The following IL1RAPL1 variants were observed in gnomAD, a reference collection of about 807,000 sequenced individuals.
IL1RAPL1 encodes the protein interleukin 1 receptor accessory protein like 1.
IL1RAPL1 carries 3 observed loss-of-function variants against 48.4 expected under a neutral mutation model. The ratio of observed to expected loss-of-function variants is 0.06; its 90% CI spans 0.03 to 0.16. The LOEUF (loss-of-function observed/expected upper bound fraction) is 0.16, where lower values mean the gene tolerates loss of function less well. Among genes scored for constraint, IL1RAPL1 ranks in the 10% least tolerant of loss-of-function variants. IL1RAPL1 has a pLI of 1.00. For missense variants in IL1RAPL1, 349 were observed against 530.6 expected, an observed-to-expected ratio of 0.66 and a Z score of 3.36; for synonymous variants, 185 against 187.7, an observed-to-expected ratio of 0.99 and a Z score of 0.12.
chrX:29,240,211 TATATATATATA>T lies in IL1RAPL1; in HGVS notation c.83-42726_83-42716del, dbSNP rs1217338432. Among the ~76,000 whole-genome samples the T allele has an allele frequency of 1.9e-4, 10 of 52,630 alleles. No homozygotes were observed. In the East Asian group the frequency reaches 4.6e-3, roughly 24 times the overall value. The allele number at this position is 52,630 out of a possible 115,157, so 45.7% of individuals were successfully genotyped here. The stretch of plus-strand genomic sequence containing the variant: ...ACACACACACATATATATATATATA[TATATATATATA>T]TATTTTTTTTTTTTTTTTTTTTTTT... On this transcript the variant is annotated intron_variant, in intron 2 of 10. Transcript: ENST00000378993.
chrX:29,877,412 T>C (rs1931929513), intron 6 of IL1RAPL1, among the ~76,000 whole-genome samples: 1 of 111,806 alleles, frequency 8.9e-6, no homozygotes, highest in Admixed American at 9.5e-5. Flanking sequence ...GATGACAAAT[T>C]ATGGCCAAAT....
intron 2 of IL1RAPL1, among the ~76,000 whole-genome samples, chrX:29,258,272 T>C (rs1437087259): frequency 6.3e-5 from 7 of 111,364 alleles, no homozygotes; most frequent in African/African-American, 2.3e-4. Flanking sequence ...AAATATAACA[T>C]ATCGAACAAT....
chrX:29,955,734 G>A lies in IL1RAPL1; in HGVS notation c.2005G>A (p.Glu669Lys), dbSNP rs769058210. The change falls in exon 11 of 11, where the codon GAG (glutamate) becomes AAG (lysine). Residue 669 changes from glutamate (E) to lysine (K), a missense_variant. This residue lies in a region of IL1RAPL1 where 65 missense variants were observed against 79.6 expected (regional missense o/e 0.82). Transcript: ENST00000378993. ...GQRPQTKSSR[E>K]QNPDEAHTNS... ...GCGGCCACAGACAAAATCGAGCAGG[G>A]AGCAGAATCCAGATGAGGCCCACAC... is the stretch of plus-strand genomic sequence containing the variant. The A allele has an allele frequency of 1.7e-6, 2 of 1,209,494 alleles. No individual in the cohort carries two copies. Among genetic ancestry groups the A allele is most frequent in the Non-Finnish European group, 2.2e-6 (2 of 895,133 alleles).
intron 2 of IL1RAPL1, among the ~76,000 whole-genome samples, chrX:29,090,352 C>A (rs1025132546): frequency 2.7e-5 from 3 of 111,827 alleles, no homozygotes; most frequent in Admixed American, 1.9e-4. Flanking sequence ...CAAATTGTAT[C>A]CTTTTGGAGA....
At chrX:28,636,290 G>A (rs150771448) in intron 1 of IL1RAPL1, among the ~76,000 whole-genome samples, 1,180 of 111,430 alleles carry the variant, frequency 0.011, 24 homozygotes, top group Admixed American at 0.077. Context: ...TTCATTGATT[G>A]CCTACTATAA....
At position 29,782,888 on chromosome X, in the gene IL1RAPL1, ATTTTTTTTTTTTTTTTT is replaced by A. The variant is rs780831874; in HGVS notation, c.778+114402_778+114418del. ...GAAGATAAAATGGGTTGATCGTGAC[ATTTTTTTTTTTTTTTTT>A]TTTTTTTTTTTTTTTTTGAGACGGA... On this transcript the variant is annotated intron_variant, in intron 6 of 10. Coordinates refer to ENST00000378993, the MANE Select transcript of IL1RAPL1 (RefSeq NM_014271.4). 1.9e-3 allele frequency among the ~76,000 whole-genome samples: 58 copies of A among 31,089 alleles called. No individual in the cohort carries two copies. The South Asian group carries it at 0.15, about 80-fold the overall frequency. The allele number at this position is 31,089 out of a possible 115,157, so 27.0% of individuals were successfully genotyped here.
In IL1RAPL1 at chrX:28,985,779, C is replaced by T. The variant is rs757648638; in HGVS notation, c.82+196354C>T. Among the ~76,000 whole-genome samples, 3 of 108,908 alleles carry T rather than the reference C, an allele frequency of 2.8e-5. No individual in the cohort carries two copies. The Admixed American group carries it at 2.9e-4, about 11-fold the overall frequency. The allele number at this position is 108,908 out of a possible 115,157, so 94.6% of individuals were successfully genotyped here. Reference sequence around the variant, plus strand: ...GGTTCACGCCATTCTCCTGCCTCAGCCTCCCGAGTAGCTGGGACTACAGGC... The same window carrying T: ...GGTTCACGCCATTCTCCTGCCTCAGTCTCCCGAGTAGCTGGGACTACAGGC... On this transcript the variant is annotated intron_variant, in intron 2 of 10. Transcript: ENST00000378993.
chrX:28,996,111 A>T (rs1051827034), intron 2 of IL1RAPL1, among the ~76,000 whole-genome samples: 1 of 111,175 alleles, frequency 9.0e-6, no homozygotes, highest in Non-Finnish European at 1.9e-5. Context: ...TTTTCCTCCA[A>T]ATACAACCCC....
chrX:29,766,406 A>AAT lies in IL1RAPL1; in HGVS notation c.778+97913_778+97914dup, dbSNP rs57656353. 8.0e-3 allele frequency among the ~76,000 whole-genome samples: 757 copies of AAT among 94,635 alleles called. 14 individuals carry two copies. The highest frequency in any genetic ancestry group is 0.029 in the African/African-American group (729 of 24,834). The allele number at this position is 94,635 out of a possible 115,157, so 82.2% of individuals were successfully genotyped here. On this transcript the variant is annotated intron_variant, in intron 6 of 10. Coordinates refer to ENST00000378993, the MANE Select transcript of IL1RAPL1 (RefSeq NM_014271.4). ...ATAGATATTTTTATATATATATCCA[A>AAT]ATATATATATATTTATATATCCAAA...
chrX:28,832,470 C>T (rs987086045), intron 2 of IL1RAPL1, among the ~76,000 whole-genome samples: 2 of 111,201 alleles, frequency 1.8e-5, no homozygotes, highest in Non-Finnish European at 3.8e-5. Context: ...TTATTCATTT[C>T]GTCCTGAAAA....
intron 2 of IL1RAPL1, among the ~76,000 whole-genome samples, chrX:29,009,265 T>C (rs895487436): frequency 2.7e-5 from 3 of 111,568 alleles, no homozygotes; most frequent in Non-Finnish European, 5.6e-5. Flanking sequence ...ACTACCTAGG[T>C]GATAAAATCA....
chrX:29,371,901 T>C lies in IL1RAPL1; in HGVS notation c.363-24357T>C, dbSNP rs755078297. ...ATTGTGAATAGCATGGTGATGAACATATAAGTGCATGTGTCTTTTTGGTAG... is the reference window on the plus strand; with the variant it reads ...ATTGTGAATAGCATGGTGATGAACACATAAGTGCATGTGTCTTTTTGGTAG... On this transcript the variant is annotated intron_variant, in intron 3 of 10. Transcript: ENST00000378993. Among the ~76,000 whole-genome samples, 5 of 112,242 alleles carry C rather than the reference T, an allele frequency of 4.5e-5. No homozygotes were observed. The South Asian group carries it at 1.9e-3, about 42-fold the overall frequency.
intron 1 of IL1RAPL1, among the ~76,000 whole-genome samples, chrX:28,779,628 GTGTGTGTATATATATATATA>G (rs1390907190): frequency 2.8e-4 from 16 of 56,236 alleles, no homozygotes; most frequent in African/African-American, 1.1e-3. Flanking sequence ...ATGTGTGTGT[GTGTGTGTATATATATATATA>G]TATATATATA....
At chrX:29,062,548 A>T (rs764589694) in intron 2 of IL1RAPL1, among the ~76,000 whole-genome samples, 1 of 112,302 alleles carries the variant, frequency 8.9e-6, no homozygotes, top group Non-Finnish European at 1.9e-5. Context: ...CATTTTCTTA[A>T]AGTAGTAATT....
intron 6 of IL1RAPL1, among the ~76,000 whole-genome samples, chrX:29,794,093 T>C (rs1168280274): frequency 2.7e-5 from 3 of 112,154 alleles, no homozygotes; most frequent in Non-Finnish European, 5.6e-5. Context: ...ATTTTTAGTG[T>C]AATACATCTG....
chrX:29,823,284 G>T (rs1262522848), intron 6 of IL1RAPL1, among the ~76,000 whole-genome samples: 2 of 111,894 alleles, frequency 1.8e-5, no homozygotes, highest in Non-Finnish European at 3.8e-5. Context: ...ATAAATAATA[G>T]CCTGAGCAGC....
rs1935902268 is a variant in IL1RAPL1 at position 28,741,170 on chromosome X, A to G, written c.-24-48150A>G. 3.6e-5 allele frequency among the ~76,000 whole-genome samples: 4 copies of G among 111,797 alleles called. No homozygotes were observed. The South Asian group carries it at 1.5e-3, about 42-fold the overall frequency. ...ACATTCCTATCAGTAGTGTTTAAGC[A>G]TTCCCTTTTCTCCACATCCTCAACA... On this transcript the variant is annotated intron_variant, in intron 1 of 10. Coordinates refer to ENST00000378993, the MANE Select transcript of IL1RAPL1 (RefSeq NM_014271.4).
chrX:29,187,180 C>T (rs1238857167), intron 2 of IL1RAPL1, among the ~76,000 whole-genome samples: 1 of 111,976 alleles, frequency 8.9e-6, no homozygotes, highest in Non-Finnish European at 1.9e-5. Context: ...TTTAGCCATT[C>T]CTCTGTTCTA....
intron 3 of IL1RAPL1, among the ~76,000 whole-genome samples, chrX:29,319,686 C>G (rs1484691979): frequency 9.2e-6 from 1 of 108,474 alleles, no homozygotes; most frequent in African/African-American, 3.4e-5. Context: ...CTAAAAACAA[C>G]GAACTAAGAA....
Sources: gnomAD v4.1 joint callset for allele counts (sites outside exome capture counted in the v4.1 genomes callset) on GRCh38, gnomAD v4.1.1 for gene constraint, gnomAD v4.1.1 regional missense constraint, MANE v1.5 for transcripts, NCBI Gene and HGNC (gene_info 2026-07-23, HGNC 2026-07-21) for gene names.